Variants in BEAN1 observed in about 807,000 individuals in gnomAD.
BEAN1 encodes the protein protein BEAN1.
Under a neutral mutation model 17.7 loss-of-function variants are expected in BEAN1, and 17 were observed. The observed-to-expected ratio is 0.96, with a 90% confidence interval of 0.66 to 1.44. The LOEUF (loss-of-function observed/expected upper bound fraction) is 1.44. BEAN1 is among the 40% of genes most tolerant of loss of function. The probability of loss-of-function intolerance (pLI) is 0.00; values close to 1 mark genes in which losing one functional copy is unlikely to be tolerated. For missense variants in BEAN1, 359 were observed against 374.1 expected (o/e 0.96, Z 0.33); for synonymous variants, 142 against 151.8 (o/e 0.94, Z 0.47).
intron 4 of BEAN1, 130 bp from the exon 5 acceptor site, chr16:66,480,456 C>T: frequency 1.5e-6 from 1 of 681,330 alleles, no homozygotes; most frequent in East Asian, 3.0e-5. Context: ...TTCATTGGAG[C>T]CAGCGTGGAC....
intron 2 of BEAN1, among the ~76,000 whole-genome samples, chr16:66,459,648 GA>G (rs1963007758): frequency 6.6e-6 from 1 of 152,054 alleles, no homozygotes; most frequent in Non-Finnish European, 1.5e-5. Flanking sequence ...ATGTGACCTT[GA>G]AGACCCCTCA....
At chr16:66,456,833 T>C (rs1007478313) in intron 2 of BEAN1, among the ~76,000 whole-genome samples, 2 of 152,380 alleles carry the variant, frequency 1.3e-5, no homozygotes, top group East Asian at 3.9e-4. Flanking sequence ...AATATGTGCG[T>C]TACTCTTAGT....
At chr16:66,483,008 C>T (rs113572095), downstream of BEAN1, 2 of 402,298 alleles carry the variant, frequency 5.0e-6, no homozygotes, top group African/African-American at 4.2e-5. Context: ...AGGCATGCAC[C>T]ACCATACCCA....
At chr16:66,437,975 G>A in intron 2 of BEAN1, 2 of 567,006 alleles carry the variant, frequency 3.5e-6, no homozygotes, top group East Asian at 3.0e-5. Context: ...GATGTTAATG[G>A]GATGACACAC....
At chr16:66,463,586 C>A (rs1004191261) in intron 2 of BEAN1, among the ~76,000 whole-genome samples, 2 of 152,140 alleles carry the variant, frequency 1.3e-5, no homozygotes, top group South Asian at 2.1e-4. Flanking sequence ...CCGATTCTAC[C>A]GACTGTCTCT....
intron 2 of BEAN1, among the ~76,000 whole-genome samples, chr16:66,456,823 A>C (rs1962886192): frequency 6.6e-6 from 1 of 152,224 alleles, no homozygotes; most frequent in South Asian, 2.1e-4. Context: ...TACGCAGAGG[A>C]ATATGTGCGT....
exon 5 of BEAN1, chr16:66,493,071 C>T (rs1964198092): frequency 5.7e-6 from 4 of 702,876 alleles, no homozygotes; most frequent in African/African-American, 3.5e-5. Flanking sequence ...TCTGAGTTCT[C>T]ACTGGTCCAG....
intron 2 of BEAN1, among the ~76,000 whole-genome samples, chr16:66,461,133 G>A (rs933580363): frequency 2.0e-5 from 3 of 151,250 alleles, no homozygotes; most frequent in South Asian, 2.1e-4. Context: ...CCAGGAAGGA[G>A]GCAAAGCTTG....
intron 2 of BEAN1, among the ~76,000 whole-genome samples, chr16:66,441,074 G>A (rs1278005540): frequency 6.6e-6 from 1 of 152,190 alleles, no homozygotes; most frequent in African/African-American, 2.4e-5. Flanking sequence ...GTGTTCACTT[G>A]TTCGTGCCGC....
intron 2 of BEAN1, among the ~76,000 whole-genome samples, chr16:66,468,197 CTG>C (rs1196308115): frequency 6.6e-6 from 1 of 152,218 alleles, no homozygotes; most frequent in Non-Finnish European, 1.5e-5. Flanking sequence ...GGTCTCAAGA[CTG>C]GAGCTACTCA....
chr16:66,434,352 C>T lies in BEAN1; in HGVS notation c.-82-3243C>T, dbSNP rs1168320984. 6.6e-6 allele frequency among the ~76,000 whole-genome samples: 1 copy of T among 152,134 alleles called. No individual in the cohort carries two copies. The highest frequency in any genetic ancestry group is 2.4e-5 in the African/African-American group (1 of 41,424). On this transcript the variant is annotated intron_variant, in intron 1 of 4. Coordinates refer to ENST00000536005, the MANE Select transcript of BEAN1 (RefSeq NM_001178020.3). This position sits in a 1 kb window ranked among gnomAD's most constrained non-coding sequence, Gnocchi z 4.3. ...AGGATGGGCACTTGCTTACCTGGAG[C>T]CCCCACACCCAGCTCCTTTGTCTTG...
At chr16:66,479,751 A>C (rs1963913462) in intron 4 of BEAN1, among the ~76,000 whole-genome samples, 1 of 152,082 alleles carries the variant, frequency 6.6e-6, no homozygotes, top group Admixed American at 6.5e-5. Flanking sequence ...TTATGCCCTC[A>C]GCTCCTGAGG....
At chr16:66,479,945 C>G (rs532354670) in intron 4 of BEAN1, among the ~76,000 whole-genome samples, 3 of 152,260 alleles carry the variant, frequency 2.0e-5, no homozygotes, top group South Asian at 4.1e-4. Context: ...TGCCAGCCCC[C>G]CTCAGGCAGA....
chr16:66,447,528 T>A (rs895317689), intron 2 of BEAN1, among the ~76,000 whole-genome samples: 4 of 152,148 alleles, frequency 2.6e-5, no homozygotes, highest in African/African-American at 9.7e-5. Flanking sequence ...CCCTGCAGGA[T>A]TCTCCCCAGA....
intron 4 of BEAN1, among the ~76,000 whole-genome samples, chr16:66,492,241 C>T (rs1433495163): frequency 6.6e-6 from 1 of 151,728 alleles, no homozygotes; most frequent in Non-Finnish European, 1.5e-5. Context: ...GGGGTTTCAC[C>T]ATGTTGGCCA....
rs138344650 is a variant in BEAN1, at chr16:66,493,143, G to C, written c.329G>C (p.Cys110Ser). Residue 110 changes from cysteine to serine, a missense_variant, in exon 5 of 5, where the codon TGT becomes TCT. Coordinates refer to the BEAN1 transcript ENST00000561796. ...AAGATCTTCCTGGTGAGGGTCTCATGTGAAGCCGTTCTCAGAACCGCGGGC... is the reference window on the plus strand; with the variant it reads ...AAGATCTTCCTGGTGAGGGTCTCATCTGAAGCCGTTCTCAGAACCGCGGGC... The C allele has an allele frequency of 3.4e-4, 239 of 703,012 alleles. No individual in the cohort carries two copies. In the African/African-American group the frequency reaches 3.8e-3, roughly 11 times the overall value. 43.5% of individuals were successfully genotyped at this position (703,012 alleles called of 1,614,324 possible). A position where few individuals can be genotyped will look rare whatever the true frequency, so the allele number is the denominator to read the frequency against.
chr16:66,435,100 G>A (rs1334993698), intron 1 of BEAN1, among the ~76,000 whole-genome samples: 1 of 152,056 alleles, frequency 6.6e-6, no homozygotes, highest in Non-Finnish European at 1.5e-5. Flanking sequence ...TTTGCCAAGT[G>A]GAAGGAATGG....
downstream of BEAN1, chr16:66,486,060 C>T (rs1187107473): frequency 2.0e-5 from 3 of 152,214 alleles, no homozygotes; most frequent in Non-Finnish European, 4.4e-5. Flanking sequence ...CCCATCAGAA[C>T]AAAAGTATGG....
chr16:66,466,963 G>A (rs1963279780), intron 2 of BEAN1, among the ~76,000 whole-genome samples: 1 of 152,208 alleles, frequency 6.6e-6, no homozygotes, highest in South Asian at 2.1e-4. Context: ...TTTATTTGGG[G>A]AACTTAAGGA....
Sources: allele counts gnomAD v4.1 joint callset (sites outside exome capture counted in the v4.1 genomes callset), GRCh38; gene constraint gnomAD v4.1.1; non-coding constraint Gnocchi (gnomAD v3.1); transcripts MANE v1.5; gene names NCBI Gene and HGNC (gene_info 2026-07-23, HGNC 2026-07-21).